PCSK5: variants seen among roughly 807,000 people sequenced by gnomAD.
PCSK5 encodes the protein prohormone convertase 5.
A neutral mutation model predicts 233.2 loss-of-function variants in PCSK5; 129 were observed. That is an observed-to-expected ratio of 0.55 (90% CI 0.48 to 0.64). The LOEUF is 0.64. PCSK5 is among the 30% of genes least tolerant of loss of function. PCSK5 has a pLI of 0.00. For synonymous variants in PCSK5, 825 were observed against 879.2 expected, an observed-to-expected ratio of 0.94 and a Z score of 1.09; for missense variants, 2,076 against 2,430.1, an observed-to-expected ratio of 0.85 and a Z score of 3.06.
At chr9:75,927,485 G>A (rs1378176555) in intron 1 of PCSK5, among the ~76,000 whole-genome samples, 3 of 152,136 alleles carry the variant, frequency 2.0e-5, no homozygotes, top group African/African-American at 7.2e-5. Context: ...AAAATCCTGT[G>A]TCCCAGGAAA....
At chr9:75,962,047 G>C (rs1825376616) in intron 2 of PCSK5, among the ~76,000 whole-genome samples, 1 of 152,120 alleles carries the variant, frequency 6.6e-6, no homozygotes, top group Non-Finnish European at 1.5e-5. Flanking sequence ...AAAATAAACA[G>C]ATAAACATAA....
intron 24 of PCSK5, among the ~76,000 whole-genome samples, chr9:76,268,187 C>T (rs917576419): frequency 6.6e-6 from 1 of 152,188 alleles, no homozygotes; most frequent in Admixed American, 6.5e-5. Context: ...TCCTCTTGTT[C>T]ATAATTCCTA....
At chr9:76,109,552 C>T (rs1312123234) in intron 9 of PCSK5, among the ~76,000 whole-genome samples, 1 of 139,222 alleles carries the variant, frequency 7.2e-6, no homozygotes, top group South Asian at 2.3e-4. Flanking sequence ...CATTGAAAGA[C>T]TACAATTGTT....
chr9:75,974,240 C>G (rs1215518086), intron 2 of PCSK5, among the ~76,000 whole-genome samples: 2 of 152,082 alleles, frequency 1.3e-5, no homozygotes, highest in Non-Finnish European at 2.9e-5. Context: ...CTCGCCTTCC[C>G]GTAGGGCTGG....
At chr9:75,958,335 C>T (rs966695348) in intron 2 of PCSK5, among the ~76,000 whole-genome samples, 18 of 152,170 alleles carry the variant, frequency 1.2e-4, no homozygotes, top group African/African-American at 4.3e-4. Context: ...CCCTAAGCTC[C>T]TGTCTGAGTT....
chr9:76,167,266 C>T (rs1032171193), intron 12 of PCSK5, among the ~76,000 whole-genome samples: 1 of 152,204 alleles, frequency 6.6e-6, no homozygotes, highest in Non-Finnish European at 1.5e-5. Flanking sequence ...GAATAGGCTT[C>T]ATGTCCAGGT....
chr9:75,934,982 C>T (rs1452757441), intron 2 of PCSK5, among the ~76,000 whole-genome samples: 1 of 152,208 alleles, frequency 6.6e-6, no homozygotes, highest in Admixed American at 6.5e-5. Flanking sequence ...TATACTCTTC[C>T]TAGATTCCCC....
At position 75,986,192 on chromosome 9, in the gene PCSK5, C is replaced by T. The variant is rs577634714; in HGVS notation, c.358C>T (p.Arg120Cys). ...KRTKRDYDFS[R>C]AQSTYFNDPK... Reference sequence around the variant, plus strand: ...GACAAAGAGGGATTATGACTTCAGTCGTGCCCAGTCTACCTATTTCAATGA... The same window carrying T: ...GACAAAGAGGGATTATGACTTCAGTTGTGCCCAGTCTACCTATTTCAATGA... Residue 120 changes from arginine to cysteine, a missense_variant, in exon 3 of 38, where the codon CGT becomes TGT. Coordinates refer to ENST00000674117, the MANE Select transcript of PCSK5 (RefSeq NM_001372043.1). The T allele has an allele frequency of 3.8e-5, 61 of 1,613,708 alleles. No individual in the cohort carries two copies. The highest frequency in any genetic ancestry group is 8.3e-5 in the Admixed American group (5 of 60,018).
chr9:76,249,432 TAA>T (rs1372338692), intron 24 of PCSK5, among the ~76,000 whole-genome samples: 1 of 152,142 alleles, frequency 6.6e-6, no homozygotes, highest in East Asian at 1.9e-4. Flanking sequence ...ATTAAAAAAA[TAA>T]AGAGATAAAA....
At chr9:76,042,181 A>G (rs1255440908) in intron 5 of PCSK5, among the ~76,000 whole-genome samples, 1 of 152,252 alleles carries the variant, frequency 6.6e-6, no homozygotes, top group Non-Finnish European at 1.5e-5. Context: ...AGGGAAAGAA[A>G]AAACACCATG....
chr9:76,023,970 A>C (rs559274708), intron 4 of PCSK5, 89 bp downstream of exon 4: 1 of 1,171,502 alleles, frequency 8.5e-7, no homozygotes, highest in African/African-American at 1.5e-5. Flanking sequence ...TAGCTACTGA[A>C]AAATGTAGCA....
chr9:76,339,353 C>G (rs920722587), intron 35 of PCSK5, among the ~76,000 whole-genome samples: 2 of 151,668 alleles, frequency 1.3e-5, no homozygotes, highest in African/African-American at 4.8e-5. Context: ...AAATATGTAA[C>G]CAGTCAGGTT....
chr9:75,981,561 CT>C (rs570335590), intron 2 of PCSK5, among the ~76,000 whole-genome samples: 2 of 151,756 alleles, frequency 1.3e-5, no homozygotes, highest in African/African-American at 4.8e-5. Flanking sequence ...GACTTGTAGT[CT>C]TTTTTTTAGC....
intron 12 of PCSK5, among the ~76,000 whole-genome samples, chr9:76,169,029 G>GT (rs1823214773): frequency 6.6e-6 from 1 of 152,138 alleles, no homozygotes; most frequent in Non-Finnish European, 1.5e-5. Flanking sequence ...ATCATGGTAT[G>GT]TATTAGTAGT....
chr9:76,283,595 C>A (rs929790788), intron 24 of PCSK5, among the ~76,000 whole-genome samples: 1 of 152,206 alleles, frequency 6.6e-6, no homozygotes, highest in African/African-American at 2.4e-5. Flanking sequence ...TTTATTGTAA[C>A]ACTTACTTCA....
intron 2 of PCSK5, among the ~76,000 whole-genome samples, chr9:75,935,378 G>T (rs2131289781): frequency 6.6e-6 from 1 of 152,232 alleles, no homozygotes; most frequent in South Asian, 2.1e-4. Context: ...ATATTCACAT[G>T]TATACGTATG....
At chr9:76,039,815 C>G (rs960542562) in intron 5 of PCSK5, among the ~76,000 whole-genome samples, 3 of 152,176 alleles carry the variant, frequency 2.0e-5, no homozygotes, top group Non-Finnish European at 4.4e-5. Context: ...AAAACTTTGG[C>G]TGCTTTTGCC....
At chr9:76,092,872 CTT>C (rs1416814849) in intron 7 of PCSK5, among the ~76,000 whole-genome samples, 1 of 152,108 alleles carries the variant, frequency 6.6e-6, no homozygotes, top group Non-Finnish European at 1.5e-5. Context: ...ACAATTGACT[CTT>C]TGTTTTCCCT....
At chr9:76,059,671 A>G (rs1208758331) in intron 5 of PCSK5, among the ~76,000 whole-genome samples, 1 of 152,150 alleles carries the variant, frequency 6.6e-6, no homozygotes, top group Non-Finnish European at 1.5e-5. Flanking sequence ...GAAAAAAGGA[A>G]CTAGAGAAAG....
Sources: allele counts gnomAD v4.1 joint callset (sites outside exome capture counted in the v4.1 genomes callset), GRCh38; gene constraint gnomAD v4.1.1; transcripts MANE v1.5; gene names NCBI Gene and HGNC (gene_info 2026-07-23, HGNC 2026-07-21).